The following TCF20 variants were observed in gnomAD, a reference collection of about 807,000 sequenced individuals.
TCF20 encodes SPRE-binding protein.
Under a neutral mutation model 148.6 loss-of-function variants are expected in TCF20, and 3 were observed. That is an observed-to-expected ratio of 0.02 (90% CI 0.01 to 0.05). The LOEUF is 0.05. Among genes scored for constraint, TCF20 ranks in the 10% least tolerant of loss-of-function variants. TCF20 has a pLI of 1.00. For missense variants in TCF20, 2,350 were observed against 2,429.3 expected (o/e 0.97, Z 0.69); for synonymous variants, 1,049 against 909.5 (o/e 1.15, Z -2.76).
chr22:42,167,223 C>T (rs1935840753), intron 5 of TCF20, among the ~76,000 whole-genome samples: 1 of 152,232 alleles, frequency 6.6e-6, no homozygotes, highest in African/African-American at 2.4e-5. Flanking sequence ...AAAGGCACCA[C>T]ACTCAACGCT....
At chr22:42,207,363 G>T (rs1318210775) in intron 2 of TCF20, among the ~76,000 whole-genome samples, 3 of 150,546 alleles carry the variant, frequency 2.0e-5, no homozygotes, top group Admixed American at 6.6e-5. Context: ...AAAAAAAAAT[G>T]TTTTTTTTTC....
rs887965652 is a variant in TCF20 at position 42,290,049 on chromosome 22, C to A, written c.-37+53430G>T. 6.6e-6 allele frequency among the ~76,000 whole-genome samples: 1 copy of A among 152,240 alleles called. No homozygotes were observed. Among genetic ancestry groups the A allele is most frequent in the Non-Finnish European group, 1.5e-5 (1 of 68,050 alleles). ...TCCAGGAATATTAATTCTCCACAGCCGGCTCACTCCCGCCGCACGCATGCG... is the reference window on the plus strand; with the variant it reads ...TCCAGGAATATTAATTCTCCACAGCAGGCTCACTCCCGCCGCACGCATGCG... On this transcript the variant is annotated intron_variant, in intron 1 of 1. Coordinates refer to the TCF20 transcript ENST00000515426. This position sits in a 1 kb window ranked among gnomAD's most constrained non-coding sequence, Gnocchi z 4.2.
At chr22:42,306,170 AGCCGCTGTGCGCGCC>A (rs1927429386) in intron 1 of TCF20, among the ~76,000 whole-genome samples, 1 of 152,234 alleles carries the variant, frequency 6.6e-6, no homozygotes, top group Non-Finnish European at 1.5e-5. Flanking sequence ...CCGGAGACGG[AGCCGCTGTGCGCGCC>A]GCTGCCAGCT....
At chr22:42,341,978 G>T (rs1928176437) in intron 1 of TCF20, among the ~76,000 whole-genome samples, 1 of 152,148 alleles carries the variant, frequency 6.6e-6, no homozygotes, top group Non-Finnish European at 1.5e-5. Context: ...AGACTTGGGG[G>T]AGGGGATGTG....
chr22:42,273,611 C>G (rs1037740339), upstream of TCF20, among the ~76,000 whole-genome samples: 1 of 151,192 alleles, frequency 6.6e-6, no homozygotes, highest in East Asian at 1.9e-4. Flanking sequence ...CTACCACACT[C>G]GGAGCTCTTT....
intron 1 of TCF20, among the ~76,000 whole-genome samples, chr22:42,248,436 T>C (rs1925098473): frequency 6.6e-6 from 1 of 152,190 alleles, no homozygotes; most frequent in Non-Finnish European, 1.5e-5. Context: ...ATTGGGTTAT[T>C]CTGAGAGAAT....
At chr22:42,189,356 G>T (rs1937211761) in intron 2 of TCF20, among the ~76,000 whole-genome samples, 1 of 152,184 alleles carries the variant, frequency 6.6e-6, no homozygotes, top group Admixed American at 6.5e-5. Flanking sequence ...ATTCTGATGA[G>T]GTGAGCACAC....
chr22:42,266,364 C>T (rs1035886066), intron 1 of TCF20, among the ~76,000 whole-genome samples: 1 of 152,188 alleles, frequency 6.6e-6, no homozygotes, highest in Non-Finnish European at 1.5e-5. Flanking sequence ...TATACAAATG[C>T]CAGCATTTTT....
At chr22:42,245,272 C>G (rs1460848213) in intron 1 of TCF20, among the ~76,000 whole-genome samples, 2 of 151,860 alleles carry the variant, frequency 1.3e-5, no homozygotes, top group Non-Finnish European at 2.9e-5. Flanking sequence ...TTTGTAGAGA[C>G]GAGGTCTCAC....
At chr22:42,199,867 A>G (rs538049842) in intron 2 of TCF20, among the ~76,000 whole-genome samples, 22 of 150,544 alleles carry the variant, frequency 1.5e-4, no homozygotes, top group Admixed American at 1.3e-3. Flanking sequence ...AAGCCCAAAC[A>G]GCAAGTTATC....
At chr22:42,230,051 C>A (rs1225328278) in intron 1 of TCF20, among the ~76,000 whole-genome samples, 1 of 152,198 alleles carries the variant, frequency 6.6e-6, no homozygotes, top group Non-Finnish European at 1.5e-5. Context: ...GATTAATTCA[C>A]CCCCTATTTT....
chr22:42,203,686 TAG>T (rs1208579007), intron 2 of TCF20, among the ~76,000 whole-genome samples: 1 of 152,072 alleles, frequency 6.6e-6, no homozygotes, highest in Non-Finnish European at 1.5e-5. Flanking sequence ...CGCCACCGCC[TAG>T]AGAGTGAGAA....
chr22:42,257,818 A>G (rs1354599609), intron 1 of TCF20, among the ~76,000 whole-genome samples: 2 of 152,206 alleles, frequency 1.3e-5, no homozygotes, highest in East Asian at 3.8e-4. Context: ...GCCTCTGCAG[A>G]CCTGGGGGAG....
intron 5 of TCF20, among the ~76,000 whole-genome samples, chr22:42,162,788 G>A (rs1416231593): frequency 6.6e-6 from 1 of 152,210 alleles, no homozygotes; most frequent in Non-Finnish European, 1.5e-5. Context: ...ACGCAGAACT[G>A]CTAAGGCGGC....
intron 1 of TCF20, among the ~76,000 whole-genome samples, chr22:42,314,870 C>T (rs1927601510): frequency 6.6e-6 from 1 of 152,116 alleles, no homozygotes. Context: ...CTCCCTCCAG[C>T]CCCGACCCAG....
intron 2 of TCF20, among the ~76,000 whole-genome samples, chr22:42,206,621 G>C (rs1019847971): frequency 1.2e-4 from 19 of 152,124 alleles, no homozygotes; most frequent in African/African-American, 4.1e-4. Flanking sequence ...TAGGGGAAGT[G>C]AATCTTCTAC....
intron 1 of TCF20, among the ~76,000 whole-genome samples, chr22:42,243,292 CAAAAAAAAAAAAAAAAAAAAAAA>C: frequency 5.1e-5 from 2 of 39,502 alleles, no homozygotes; most frequent in African/African-American, 1.7e-4. Context: ...GACACTGTCT[CAAAAAAAAAAAAAAAAAAAAAAA>C]AAAAAAGTCA....
chr22:42,246,830 G>C (rs1946112304), intron 1 of TCF20, among the ~76,000 whole-genome samples: 1 of 152,032 alleles, frequency 6.6e-6, no homozygotes, highest in Non-Finnish European at 1.5e-5. Flanking sequence ...GCCAGGCGTG[G>C]TGGCGGGTGC....
chr22:42,228,457 C>T (rs1923104548), intron 1 of TCF20, among the ~76,000 whole-genome samples: 1 of 152,182 alleles, frequency 6.6e-6, no homozygotes, highest in Non-Finnish European at 1.5e-5. Flanking sequence ...CAAGTGACAA[C>T]CCCACTTTAT....
Sources: gnomAD v4.1 joint callset for allele counts (sites outside exome capture counted in the v4.1 genomes callset) on GRCh38, gnomAD v4.1.1 for gene constraint, Gnocchi (gnomAD v3.1) non-coding constraint, MANE v1.5 for transcripts, NCBI Gene and HGNC (gene_info 2026-07-23, HGNC 2026-07-21) for gene names.